Variants in TLK1 observed in about 807,000 individuals in gnomAD.
The protein encoded by TLK1 is serine/threonine-protein kinase tousled-like 1.
In TLK1, 24 loss-of-function variants were observed where a neutral mutation model predicts 105.3. The observed-to-expected ratio is 0.23, with a 90% CI of 0.17 to 0.32. TLK1 has a LOEUF of 0.32. TLK1 is among the 10% of genes least tolerant of loss of function. TLK1 has a pLI of 1.00. For missense variants in TLK1, 558 were observed against 910.5 expected, an observed-to-expected ratio of 0.61 and a Z score of 4.98; for synonymous variants, 321 against 310.4, an observed-to-expected ratio of 1.03 and a Z score of -0.36.
chr2:171,141,866 G>A (rs1213064848), intron 1 of TLK1, among the ~76,000 whole-genome samples: 2 of 152,014 alleles, frequency 1.3e-5, no homozygotes, highest in South Asian at 2.1e-4. Flanking sequence ...TAGAAGCCTG[G>A]AAATGCACTA....
Position 171,134,432 on chromosome 2 carries a change from A to G in TLK1, c.140-16575T>C, listed in dbSNP as rs183645978. ...GCAAGAGAGAAAAGAAAGTATTATT[A>G]AAATATAGTTGGCTAACAACTTGAC... On this transcript the variant is annotated intron_variant, in intron 1 of 20. Coordinates refer to ENST00000431350, the MANE Select transcript of TLK1 (RefSeq NM_012290.5). 3.9e-5 allele frequency among the ~76,000 whole-genome samples: 6 copies of G among 152,304 alleles called. No homozygotes were observed. In the East Asian group the frequency reaches 9.6e-4, roughly 24 times the overall value.
At chr2:171,228,729 CACTG>C (rs1693941705) in intron 1 of TLK1, among the ~76,000 whole-genome samples, 2 of 152,302 alleles carry the variant, frequency 1.3e-5, no homozygotes, top group Admixed American at 6.5e-5. Flanking sequence ...TTCTGAGCAA[CACTG>C]ACTGTCTCTT....
At chr2:171,125,787 A>G (rs868413713) in intron 1 of TLK1, among the ~76,000 whole-genome samples, 2 of 152,190 alleles carry the variant, frequency 1.3e-5, no homozygotes, top group African/African-American at 4.8e-5. Context: ...TAAGTTCTTT[A>G]GCGGTGATTT....
At chr2:171,145,188 G>C (rs977363745) in intron 1 of TLK1, among the ~76,000 whole-genome samples, 1 of 151,976 alleles carries the variant, frequency 6.6e-6, no homozygotes, top group Non-Finnish European at 1.5e-5. Context: ...CACGCATGTA[G>C]TCCTAGCTAC....
chr2:171,016,587 T>C (rs756047695), intron 12 of TLK1, among the ~76,000 whole-genome samples: 3 of 152,226 alleles, frequency 2.0e-5, no homozygotes, highest in Non-Finnish European at 4.4e-5. Flanking sequence ...TGCTTCTTTT[T>C]AGTAATTTAT....
At chr2:171,118,853 C>A (rs143372787) in intron 1 of TLK1, among the ~76,000 whole-genome samples, 2 of 152,240 alleles carry the variant, frequency 1.3e-5, no homozygotes, top group African/African-American at 4.8e-5. Context: ...TAGATCTTAT[C>A]TTTTGAAATT....
intron 1 of TLK1, chr2:171,155,444 C>A (rs1225367662): frequency 6.6e-6 from 1 of 151,908 alleles, no homozygotes; most frequent in Admixed American, 6.6e-5. Flanking sequence ...AGGAAAAGCA[C>A]AATAAAAATG....
chr2:171,156,729 AC>A (rs2105606778), intron 1 of TLK1, among the ~76,000 whole-genome samples: 1 of 152,376 alleles, frequency 6.6e-6, no homozygotes, highest in Admixed American at 6.5e-5. Flanking sequence ...TTCGTTTTTA[AC>A]ATCTCATTAC....
Position 171,160,215 on chromosome 2 carries a change from G to GGCGGGGGGC in TLK1, c.139+74_139+75insGCCCCCCGC. On this transcript the variant is annotated intron_variant, in intron 1 of 20. Transcript: ENST00000431350. The surrounding 1 kb of genome is among the most constrained non-coding windows in gnomAD (Gnocchi z 4.4). ...GGCGGAGAAGCCCCGGGGCGGGGGG[G>GGCGGGGGGC]GCGGGGGGGGGGCGCGGGGGTCCGC... 7.9e-7 allele frequency: 1 copy of GGCGGGGGGC among 1,260,572 alleles called. No individual in the cohort carries two copies. The highest frequency in any genetic ancestry group is 1.0e-6 in the Non-Finnish European group (1 of 995,956). 78.1% of individuals were successfully genotyped at this position (1,260,572 alleles called of 1,614,324 possible).
intron 1 of TLK1, among the ~76,000 whole-genome samples, chr2:171,227,865 T>C (rs1054049207): frequency 6.6e-6 from 1 of 152,074 alleles, no homozygotes; most frequent in Admixed American, 6.6e-5. Flanking sequence ...CTGCTAACTC[T>C]TGTTAGTATA....
At chr2:171,154,984 T>C (rs927375533) in intron 1 of TLK1, among the ~76,000 whole-genome samples, 2 of 152,154 alleles carry the variant, frequency 1.3e-5, no homozygotes, top group African/African-American at 4.8e-5. Context: ...AAATATGAAT[T>C]GTTATAAGTA....
chr2:171,190,542 C>T (rs1209654405), intron 1 of TLK1, among the ~76,000 whole-genome samples: 4 of 152,150 alleles, frequency 2.6e-5, no homozygotes, highest in Non-Finnish European at 4.4e-5. Flanking sequence ...TTTTACATGA[C>T]ATTTCCAACT....
Position 171,160,721 on chromosome 2 carries a change from G to A in TLK1, c.-293C>T, listed in dbSNP as rs957339565. On this transcript the variant is annotated 5_prime_UTR_variant, in exon 1 of 21. Coordinates refer to ENST00000431350, the MANE Select transcript of TLK1 (RefSeq NM_012290.5). The surrounding 1 kb of genome is among the most constrained non-coding windows in gnomAD (Gnocchi z 4.4). ...AGCGCGGCGGCGGAGGCGTCGAGGG[G>A]GTGCCAGCCGGGCCGGGGTCGGAGC... 8.6e-6 allele frequency: 4 copies of A among 464,696 alleles called. No individual in the cohort carries two copies. Among genetic ancestry groups the A allele is most frequent in the Admixed American group, 8.8e-5 (2 of 22,828 alleles). 28.8% of individuals were successfully genotyped at this position (464,696 alleles called of 1,614,324 possible). A position where few individuals can be genotyped will look rare whatever the true frequency, so the allele number is the denominator to read the frequency against.
chr2:171,058,497 AAAT>A (rs971268542), intron 4 of TLK1, among the ~76,000 whole-genome samples: 3 of 152,208 alleles, frequency 2.0e-5, no homozygotes, highest in East Asian at 1.9e-4. Context: ...CTTTACTTGT[AAAT>A]AATAATAAAA....
intron 11 of TLK1, among the ~76,000 whole-genome samples, chr2:171,031,337 T>C (rs951203116): frequency 6.6e-6 from 1 of 152,190 alleles, no homozygotes; most frequent in African/African-American, 2.4e-5. Context: ...ACAATCTTCT[T>C]TAAAGAAACA....
At chr2:171,149,845 T>C (rs902880424) in intron 1 of TLK1, among the ~76,000 whole-genome samples, 3 of 152,084 alleles carry the variant, frequency 2.0e-5, no homozygotes, top group African/African-American at 7.2e-5. Flanking sequence ...AGTTGGAGGC[T>C]GCAGTGAGCC....
chr2:171,173,732 C>G (rs1185189782), intron 1 of TLK1, among the ~76,000 whole-genome samples: 8 of 152,110 alleles, frequency 5.3e-5, no homozygotes, highest in Non-Finnish European at 1.2e-4. Flanking sequence ...CCACATCTTT[C>G]TCCTGAGCTC....
chr2:171,084,638 A>G (rs1156680994), intron 2 of TLK1, among the ~76,000 whole-genome samples: 2 of 152,218 alleles, frequency 1.3e-5, no homozygotes, highest in Non-Finnish European at 2.9e-5. Context: ...TCATAAAGGT[A>G]TAAGAAAAAA....
chr2:171,214,450 C>A (rs1693677329), intron 1 of TLK1, among the ~76,000 whole-genome samples: 1 of 152,176 alleles, frequency 6.6e-6, no homozygotes, highest in South Asian at 2.1e-4. Flanking sequence ...TTGTATACAA[C>A]TTCACCCATT....
Sources: gnomAD v4.1 joint callset for allele counts (sites outside exome capture counted in the v4.1 genomes callset) on GRCh38, gnomAD v4.1.1 for gene constraint, Gnocchi (gnomAD v3.1) non-coding constraint, MANE v1.5 for transcripts, NCBI Gene and HGNC (gene_info 2026-07-23, HGNC 2026-07-21) for gene names.